KRT19: variants seen among roughly 807,000 people sequenced by gnomAD.
The protein encoded by KRT19 is keratin 19.
KRT19 carries 21 observed loss-of-function variants against 34.6 expected under a neutral mutation model. That is an observed-to-expected ratio of 0.61 (90% confidence interval 0.43 to 0.87). The LOEUF (loss-of-function observed/expected upper bound fraction) is 0.87. Ranked by LOEUF, KRT19 falls within the 40% of genes least tolerant of loss-of-function variation. KRT19 has a pLI of 0.00. For missense variants in KRT19, 514 were observed against 545.7 expected (o/e 0.94, Z 0.58); for synonymous variants, 240 against 245.8 (o/e 0.98, Z 0.22).
At position 41,524,127 on chromosome 17, in the gene KRT19, G is replaced by GT; in HGVS notation, c.948+15dup. The GT allele has an allele frequency of 6.2e-7, 1 of 1,602,374 alleles. No individual in the cohort carries two copies. Among genetic ancestry groups the GT allele is most frequent in the Non-Finnish European group, 8.5e-7 (1 of 1,172,762 alleles). ...TGAATTGCACAGGGAAGCGGCGGCG[G>GT]TGGGGGGACACATACCATGCTCAGC... On this transcript the variant is annotated intron_variant, in intron 5 of 5. Coordinates refer to ENST00000361566, the MANE Select transcript of KRT19 (RefSeq NM_002276.5).
chr17:41,524,900 C>T lies in KRT19; in HGVS notation c.603G>A (p.Glu201=), dbSNP rs1374025504. Residue 201 remains glutamate (E), a synonymous_variant, in exon 3 of 6, where the codon GAG becomes GAA. Coordinates refer to ENST00000361566, the MANE Select transcript of KRT19 (RefSeq NM_002276.5). ...DELTLARTDL[E]MQIEGLKEEL... is the part of the protein sequence containing the mutation. Reference sequence around the variant, plus strand: ...CTTCCTTCAGGCCTTCGATCTGCATCTCCAGGTCGGTCCTGGCCAGGGTCA... The same window carrying T: ...CTTCCTTCAGGCCTTCGATCTGCATTTCCAGGTCGGTCCTGGCCAGGGTCA... 3 of 1,614,112 alleles carry T rather than the reference C, an allele frequency of 1.9e-6. No individual in the cohort carries two copies. The highest frequency in any genetic ancestry group is 1.1e-5 in the South Asian group (1 of 91,090).
chr17:41,524,432 C>G lies in KRT19; in HGVS notation c.769G>C (p.Glu257Gln). 5 of 1,614,210 alleles carry G rather than the reference C, an allele frequency of 3.1e-6. No individual in the cohort carries two copies. The highest frequency in any genetic ancestry group is 4.2e-6 in the Non-Finnish European group (5 of 1,180,016). ...KILSDMRSQY[E>Q]VMAEQNRKDA... ...TTCCGGTTCTGCTCGGCCATGACCT[C>G]ATATTGGCTTCGCATGTCACTCAGG... The change falls in exon 4 of 6, where the codon GAG becomes CAG. Residue 257 changes from glutamate (E) to glutamine (Q), a missense_variant. Transcript: ENST00000361566.
At position 41,524,145 on chromosome 17, in the gene KRT19, T is replaced by C. The variant is rs376534668; in HGVS notation, c.946A>G (p.Met316Val). The C allele has an allele frequency of 8.7e-5, 140 of 1,613,480 alleles. No homozygotes were observed. The highest frequency in any genetic ancestry group is 1.1e-4 in the Non-Finnish European group (128 of 1,179,766). Residue 316 changes from methionine to valine, a missense_variant and splice_region_variant, in exon 5 of 6, where the codon ATG becomes GTG. Met to Val is a conservative substitution (Grantham distance 21). Coordinates refer to ENST00000361566, the MANE Select transcript of KRT19 (RefSeq NM_002276.5). The stretch of plus-strand genomic sequence containing the variant: ...GGCGGCGGTGGGGGGACACATACCA[T>C]GCTCAGCTGTGACTGCAGCTCAATC... ...LEIELQSQLS[M>V]KAALEDTLAE...
chr17:41,527,573 C>A (rs1905910585), intron 1 of KRT19, among the ~76,000 whole-genome samples: 1 of 152,230 alleles, frequency 6.6e-6, no homozygotes, highest in African/African-American at 2.4e-5. Flanking sequence ...ACCTTGCCCC[C>A]GCCACCTCCA....
Position 41,524,382 on chromosome 17 carries a change from G to T in KRT19, c.819C>A (p.Ser273Arg). The change falls in exon 4 of 6, where the codon AGC (serine) becomes AGA (arginine). Residue 273 changes from serine (S) to arginine (R), a missense_variant. Ser to Arg is a moderately radical substitution (Grantham distance 110). Transcript: ENST00000361566. ...GTGCCTGCTTCCCTCTACCTACCCG[G>T]CTGGTGAACCAGGCTTCAGCATCCT... ...NRKDAEAWFT[S>R]RTEELNREVA... 6.2e-7 allele frequency: 1 copy of T among 1,614,100 alleles called. No individual in the cohort carries two copies. The highest frequency in any genetic ancestry group is 8.5e-7 in the Non-Finnish European group (1 of 1,179,982).
intron 1 of KRT19, among the ~76,000 whole-genome samples, chr17:41,527,402 A>G (rs1905904894): frequency 6.6e-6 from 1 of 152,222 alleles, no homozygotes; most frequent in Non-Finnish European, 1.5e-5. Context: ...AGGGGGCAAG[A>G]CTGGCCCCGG....
intron 1 of KRT19, chr17:41,525,610 T>C (rs1056428322): frequency 6.9e-6 from 2 of 290,730 alleles, no homozygotes; most frequent in African/African-American, 2.2e-5. Flanking sequence ...AGATTTTGTC[T>C]ATACCTGCCC....
In KRT19 at chr17:41,524,327, C is replaced by A. The variant is rs75262761; in HGVS notation, c.822+52G>T. On this transcript the variant is annotated intron_variant, in intron 4 of 5. Coordinates refer to ENST00000361566, the MANE Select transcript of KRT19 (RefSeq NM_002276.5). ...GAGTCAGACCTTCGCGTAGGGAACA[C>A]AAAGCCCTCCCCTTCCTAACCCCCA... is the stretch of plus-strand genomic sequence containing the variant. 54 of 1,611,794 alleles carry A rather than the reference C, an allele frequency of 3.4e-5. No individual in the cohort carries two copies. In the East Asian group the frequency reaches 1.2e-3, roughly 35 times the overall value.
At position 41,528,267 on chromosome 17, in the gene KRT19, G is replaced by C. The variant is rs775532695; in HGVS notation, c.-20C>G. The C allele has an allele frequency of 2.0e-6, 3 of 1,524,090 alleles. No individual in the cohort carries two copies. The highest frequency in any genetic ancestry group is 4.6e-5 in the East Asian group (2 of 43,804). 94.4% of individuals were successfully genotyped at this position (1,524,090 alleles called of 1,614,324 possible). On this transcript the variant is annotated 5_prime_UTR_variant, in exon 1 of 6. Transcript: ENST00000361566. ...AGTCATGGCGAGGCGGAGCACGGACGGAGCAACCCTGGTCTCAGAAGCTGC... is the reference window on the plus strand; with the variant it reads ...AGTCATGGCGAGGCGGAGCACGGACCGAGCAACCCTGGTCTCAGAAGCTGC...
At chr17:41,524,106 T>C in intron 5 of KRT19, 37 bp downstream of exon 5, 1 of 1,608,346 alleles carries the variant, frequency 6.2e-7, no homozygotes, top group East Asian at 2.2e-5. Context: ...TAAGTGTGAA[T>C]TGCACAGGGA....
chr17:41,526,114 G>T (rs1321370655), intron 1 of KRT19, among the ~76,000 whole-genome samples: 1 of 152,022 alleles, frequency 6.6e-6, no homozygotes, highest in Admixed American at 6.6e-5. Context: ...TGGGACTACA[G>T]GCGCCCTCCA....
rs754721810 is a variant in KRT19, at chr17:41,524,909, G to A, written c.594C>T (p.Thr198=). 62 of 1,614,062 alleles carry A rather than the reference G, an allele frequency of 3.8e-5. No homozygotes were observed. Among genetic ancestry groups the A allele is most frequent in the East Asian group, 2.2e-5 (1 of 44,898 alleles). ...RVLDELTLAR[T]DLEMQIEGLK... The stretch of plus-strand genomic sequence containing the variant: ...GGCCTTCGATCTGCATCTCCAGGTC[G>A]GTCCTGGCCAGGGTCAGCTCATCCA... Residue 198 remains threonine, a synonymous_variant, in exon 3 of 6, where the codon ACC becomes ACT. Transcript: ENST00000361566.
Position 41,524,282 on chromosome 17 carries a change from A to C in KRT19, c.823-14T>G. On this transcript the variant is annotated splice_polypyrimidine_tract_variant and intron_variant, in intron 4 of 5. Coordinates refer to ENST00000361566, the MANE Select transcript of KRT19 (RefSeq NM_002276.5). Reference sequence around the variant, plus strand: ...CAATTCTTCAGTCTGCAGAGAGAGGAAGAAGAGGGAATAAGCATTGAGTCA... The same window carrying C: ...CAATTCTTCAGTCTGCAGAGAGAGGCAGAAGAGGGAATAAGCATTGAGTCA... 1 of 1,613,136 alleles carries C rather than the reference A, an allele frequency of 6.2e-7. No homozygotes were observed. Among genetic ancestry groups the C allele is most frequent in the Non-Finnish European group, 8.5e-7 (1 of 1,179,340 alleles).
chr17:41,524,810 A>C, intron 3 of KRT19, 33 bp downstream of exon 3: 1 of 1,611,662 alleles, frequency 6.2e-7, no homozygotes, highest in Non-Finnish European at 8.5e-7. Flanking sequence ...GAGGTTAGGG[A>C]AGGATGGAAG....
chr17:41,524,120 G>A (rs768885403), intron 5 of KRT19, 23 bp downstream of exon 5: 78 of 1,607,062 alleles, frequency 4.9e-5, no homozygotes, highest in Middle Eastern at 1.7e-4. Context: ...ACAGGGAAGC[G>A]GCGGCGGTGG....
chr17:41,525,478 T>C (rs146480502), intron 1 of KRT19: 165 of 538,738 alleles, frequency 3.1e-4, no homozygotes, highest in African/African-American at 2.1e-3. Flanking sequence ...GGAAGAAAAC[T>C]GGAGCCAGGG....
Position 41,527,950 on chromosome 17 carries a change from C to G in KRT19, c.298G>C (p.Ala100Pro). 6.2e-7 allele frequency: 1 copy of G among 1,613,778 alleles called. No individual in the cohort carries two copies. Among genetic ancestry groups the G allele is most frequent in the Non-Finnish European group, 8.5e-7 (1 of 1,179,904 alleles). ...AGCTCGCCGTTGGCCGCCTCCAGGGCGCGCACCTTGTCCAGGTAGGAGGCC... is the reference window on the plus strand; with the variant it reads ...AGCTCGCCGTTGGCCGCCTCCAGGGGGCGCACCTTGTCCAGGTAGGAGGCC... ...RLASYLDKVR[A>P]LEAANGELEV... is the part of the protein sequence containing the mutation. The change falls in exon 1 of 6, where the codon GCC becomes CCC. Residue 100 changes from alanine to proline, a missense_variant. By Grantham distance (27) the Ala-to-Pro change is conservative. Coordinates refer to ENST00000361566, the MANE Select transcript of KRT19 (RefSeq NM_002276.5).
intron 1 of KRT19, among the ~76,000 whole-genome samples, chr17:41,526,562 CTTTTTTTTTTTTTTTTT>C (rs60030898): frequency 1.4e-5 from 1 of 72,190 alleles, no homozygotes; most frequent in Non-Finnish European, 2.3e-5. Context: ...AAGCTAATTC[CTTTTTTTTTTTTTTTTT>C]TTTTTTTTTT....
Position 41,523,618 on chromosome 17 carries a change from C to A in KRT19, c.*125G>T. Reference sequence around the variant, plus strand: ...AAATAATAAACCAAACGTCCTTCCTCCCTTGGACCATAAATTTTTATTGGC... The same window carrying A: ...AAATAATAAACCAAACGTCCTTCCTACCTTGGACCATAAATTTTTATTGGC... On this transcript the variant is annotated 3_prime_UTR_variant, in exon 6 of 6. Transcript: ENST00000361566. The A allele has an allele frequency of 2.1e-6, 2 of 933,870 alleles. No individual in the cohort carries two copies. The highest frequency in any genetic ancestry group is 3.3e-6 in the Non-Finnish European group (2 of 615,038). The allele number at this position is 933,870 out of a possible 1,614,324, so 57.8% of individuals were successfully genotyped here.
Sources: allele counts gnomAD v4.1 joint callset (sites outside exome capture counted in the v4.1 genomes callset), GRCh38; gene constraint gnomAD v4.1.1; transcripts MANE v1.5; gene names NCBI Gene and HGNC (gene_info 2026-07-23, HGNC 2026-07-21).